Variants in SYT17 observed in about 807,000 individuals in gnomAD.
SYT17 encodes synaptotagmin-17.
In SYT17, 22 loss-of-function variants were observed where a neutral mutation model predicts 46.7. The ratio of observed to expected loss-of-function variants is 0.47; its 90% CI spans 0.34 to 0.67. The LOEUF (loss-of-function observed/expected upper bound fraction) is 0.67. Among genes scored for constraint, SYT17 ranks in the 30% least tolerant of loss-of-function variants. The probability of loss-of-function intolerance (pLI) is 0.01; values close to 1 mark genes in which losing one functional copy is unlikely to be tolerated. For missense variants in SYT17, 519 were observed against 612.8 expected, an observed-to-expected ratio of 0.85 and a Z score of 1.62; for synonymous variants, 251 against 248.4, an observed-to-expected ratio of 1.01 and a Z score of -0.10.
chr16:19,218,221 T>C (rs1008782891), intron 5 of SYT17, among the ~76,000 whole-genome samples: 2 of 152,246 alleles, frequency 1.3e-5, no homozygotes, highest in Non-Finnish European at 2.9e-5. Context: ...CCCCAAGTGC[T>C]TGGACCTAGT....
chr16:19,220,303 C>CTTTCTTTTTTTTTTTTT (rs776097400), intron 5 of SYT17, among the ~76,000 whole-genome samples: 36 of 80,496 alleles, frequency 4.5e-4, no homozygotes, highest in East Asian at 9.8e-4. Flanking sequence ...TTCTTTCTTT[C>CTTTCTTTTTTTTTTTTT]TTTTTTTTTT....
intron 7 of SYT17, among the ~76,000 whole-genome samples, chr16:19,262,224 A>G (rs1380780235): frequency 1.3e-5 from 2 of 152,206 alleles, no homozygotes; most frequent in East Asian, 3.9e-4. Context: ...CTTATGTTGA[A>G]TCCTAATCCC....
intron 7 of SYT17, among the ~76,000 whole-genome samples, chr16:19,266,427 A>G (rs1271618899): frequency 6.6e-6 from 1 of 152,220 alleles, no homozygotes; most frequent in East Asian, 1.9e-4. Flanking sequence ...TCCCGCCCAT[A>G]ATGTCAACAG....
chr16:19,178,836 C>T (rs923938516), intron 3 of SYT17, among the ~76,000 whole-genome samples: 4 of 152,092 alleles, frequency 2.6e-5, no homozygotes, highest in African/African-American at 9.7e-5. Context: ...CCTTTCCCAT[C>T]CCTCCAGCAT....
In SYT17 at chr16:19,173,591, G is replaced by A. The variant is rs1296169515; in HGVS notation, c.182+13G>A. 1.2e-6 allele frequency: 2 copies of A among 1,610,698 alleles called. No individual in the cohort carries two copies. Among genetic ancestry groups the A allele is most frequent in the Non-Finnish European group, 1.7e-6 (2 of 1,179,046 alleles). On this transcript the variant is annotated intron_variant, in intron 3 of 7. Coordinates refer to ENST00000355377, the MANE Select transcript of SYT17 (RefSeq NM_016524.4). ...CCCCTCCCTGGCTGTAAGTAAAACT[G>A]CTCTGAACTTCTCTGAAATCAATTT...
At chr16:19,204,081 G>A (rs1275495474) in intron 5 of SYT17, among the ~76,000 whole-genome samples, 2 of 152,192 alleles carry the variant, frequency 1.3e-5, no homozygotes, top group Non-Finnish European at 2.9e-5. Context: ...CTGGAGCAGA[G>A]TACGAGGTGG....
intron 5 of SYT17, among the ~76,000 whole-genome samples, chr16:19,184,973 C>T (rs895269218): frequency 5.9e-5 from 9 of 152,114 alleles, no homozygotes; most frequent in Admixed American, 1.3e-4. Context: ...TGTCTCCAGT[C>T]GGCTGTTGTG....
rs1157641645 is a variant in SYT17, at chr16:19,183,989, C to T, written c.793C>T (p.Pro265Ser). 3 of 1,614,140 alleles carry T rather than the reference C, an allele frequency of 1.9e-6. 1 individual carries two copies. Among genetic ancestry groups the T allele is most frequent in the South Asian group, 2.2e-5 (2 of 91,084 alleles). Residue 265 changes from proline to serine, a missense_variant, in exon 5 of 8, where the codon CCC becomes TCC. Coordinates refer to ENST00000355377, the MANE Select transcript of SYT17 (RefSeq NM_016524.4). The surrounding 1 kb of genome is among the most constrained non-coding windows in gnomAD (Gnocchi z 5.6). ...VFEERYTFEI[P>S]FLEAQRRTLL... ...TGAGGAGCGCTACACCTTCGAGATC[C>T]CCTTCCTGGAGGCCCAGAGGAGGAC...
intron 1 of SYT17, chr16:19,170,528 A>T (rs903554611): frequency 6.6e-6 from 1 of 152,112 alleles, no homozygotes; most frequent in Non-Finnish European, 1.5e-5. Flanking sequence ...AGAAAGACTC[A>T]GCATGCCTGG....
intron 2 of SYT17, chr16:19,173,002 A>G: frequency 1.7e-6 from 1 of 601,578 alleles, no homozygotes; most frequent in Non-Finnish European, 2.9e-6. Context: ...ATTCCGTTTG[A>G]TTATCTCTGT....
At chr16:19,264,455 A>G (rs373029330) in intron 7 of SYT17, among the ~76,000 whole-genome samples, 16 of 152,330 alleles carry the variant, frequency 1.1e-4, no homozygotes, top group African/African-American at 3.6e-4. Context: ...CTATGGGATC[A>G]ATTCCTAGAA....
chr16:19,202,415 T>TGTG (rs1965502542), intron 5 of SYT17, among the ~76,000 whole-genome samples: 1 of 152,234 alleles, frequency 6.6e-6, no homozygotes, highest in African/African-American at 2.4e-5. Flanking sequence ...GGGGGTTGTG[T>TGTG]GTGGTGCTTT....
chr16:19,214,505 C>A (rs898013076), intron 5 of SYT17, among the ~76,000 whole-genome samples: 2 of 151,986 alleles, frequency 1.3e-5, no homozygotes, highest in African/African-American at 4.8e-5. Context: ...TGGCCCTCGT[C>A]AGCTTTTAGA....
chr16:19,234,904 C>T (rs1008017753), intron 7 of SYT17, among the ~76,000 whole-genome samples: 3 of 152,224 alleles, frequency 2.0e-5, no homozygotes, highest in African/African-American at 7.2e-5. Flanking sequence ...CAGCATCTCC[C>T]TCACCTGTTC....
At chr16:19,235,269 C>G in intron 7 of SYT17, among the ~76,000 whole-genome samples, 1 of 152,176 alleles carries the variant, frequency 6.6e-6, no homozygotes, top group East Asian at 1.9e-4. Context: ...TTATTCTAAA[C>G]AGTCTACTAA....
chr16:19,202,759 C>G (rs1167617061), intron 5 of SYT17, among the ~76,000 whole-genome samples: 2 of 152,166 alleles, frequency 1.3e-5, no homozygotes, highest in Non-Finnish European at 2.9e-5. Flanking sequence ...CAGGGTCTTG[C>G]TCTGTCACCT....
intron 1 of SYT17, chr16:19,172,317 G>C: frequency 7.6e-7 from 1 of 1,324,148 alleles, no homozygotes; most frequent in Non-Finnish European, 9.6e-7. Context: ...GGGAGGGCGG[G>C]GGAGCCAAGT....
intron 7 of SYT17, among the ~76,000 whole-genome samples, chr16:19,265,275 T>C (rs2023762): frequency 0.48 from 73,483 of 152,060 alleles, 19,332 homozygotes; most frequent in East Asian, 0.96. Context: ...GTAATTTGCA[T>C]GTAAATGAGG....
Sources: gnomAD v4.1 joint callset for allele counts (sites outside exome capture counted in the v4.1 genomes callset) on GRCh38, gnomAD v4.1.1 for gene constraint, Gnocchi (gnomAD v3.1) non-coding constraint, MANE v1.5 for transcripts, NCBI Gene and HGNC (gene_info 2026-07-23, HGNC 2026-07-21) for gene names.